Variants in CSMD1 observed in about 807,000 individuals in gnomAD.
CSMD1 encodes CUB and Sushi multiple domains 1, also known as CUB and sushi domain-containing protein 1.
In CSMD1, 213 loss-of-function variants were observed where a neutral mutation model predicts 417.5. That is an observed-to-expected ratio of 0.51 (90% CI 0.46 to 0.57). The LOEUF (loss-of-function observed/expected upper bound fraction) is 0.57. Among genes scored for constraint, CSMD1 ranks in the 20% least tolerant of loss-of-function variants. The pLI is 0.00. For missense variants in CSMD1, 6,923 were observed against 4,529.7 expected (o/e 1.53, Z -15.17); for synonymous variants, 2,862 against 1,736.8 (o/e 1.65, Z -16.11).
At chr8:4,659,847 G>A (rs1468159662) in intron 1 of CSMD1, among the ~76,000 whole-genome samples, 1 of 151,704 alleles carries the variant, frequency 6.6e-6, no homozygotes, top group Admixed American at 6.6e-5. Context: ...ATATTAACAT[G>A]CTAAACAATA....
intron 5 of CSMD1, among the ~76,000 whole-genome samples, chr8:3,914,383 G>C (rs2554684): frequency 1.3e-5 from 2 of 151,764 alleles, no homozygotes; most frequent in Admixed American, 6.5e-5. Flanking sequence ...AAAAACATAC[G>C]GGTACAGATA....
intron 5 of CSMD1, among the ~76,000 whole-genome samples, chr8:3,862,941 A>T (rs1228105130): frequency 6.6e-6 from 1 of 152,262 alleles, no homozygotes; most frequent in East Asian, 1.9e-4. Context: ...TTTAAACAGC[A>T]GAAATTTATA....
chr8:4,707,050 G>C (rs909959437), intron 1 of CSMD1, among the ~76,000 whole-genome samples: 1 of 152,196 alleles, frequency 6.6e-6, no homozygotes, highest in Non-Finnish European at 1.5e-5. Flanking sequence ...AGGACTTAAG[G>C]TGATCAGATC....
At chr8:3,712,517 C>T (rs1801585507) in intron 6 of CSMD1, among the ~76,000 whole-genome samples, 1 of 152,148 alleles carries the variant, frequency 6.6e-6, no homozygotes. Context: ...CTGCAATAGC[C>T]TCTTCTTTCT....
In CSMD1 at chr8:4,787,486, G is replaced by C. The variant is rs1585097625; in HGVS notation, c.86-149928C>G. 10 of 882,544 alleles carry C rather than the reference G, an allele frequency of 1.1e-5. No homozygotes were observed. In the East Asian group the frequency reaches 2.0e-4, roughly 18 times the overall value. The allele number at this position is 882,544 out of a possible 1,614,324, so 54.7% of individuals were successfully genotyped here. On this transcript the variant is annotated intron_variant, in intron 1 of 69. Coordinates refer to ENST00000635120, the MANE Select transcript of CSMD1 (RefSeq NM_033225.6). ...TGGAAGGAAAAGCTGCAATCTCAAA[G>C]AAAATCACCAGTTGTATTTTTCAGT...
chr8:4,285,174 TTA>T (rs919237300), intron 3 of CSMD1, among the ~76,000 whole-genome samples: 1 of 152,208 alleles, frequency 6.6e-6, no homozygotes, highest in Admixed American at 6.5e-5. Context: ...TCCATGAATT[TTA>T]TGTTTTTGTA....
chr8:3,600,842 G>T (rs9694325), intron 8 of CSMD1, among the ~76,000 whole-genome samples: 17,756 of 152,032 alleles, frequency 0.12, 1,699 homozygotes, highest in East Asian at 0.26. Context: ...TGCATGTTTT[G>T]CAATATTGCA....
intron 6 of CSMD1, among the ~76,000 whole-genome samples, chr8:3,721,265 G>A (rs1563309410): frequency 6.6e-6 from 1 of 152,046 alleles, no homozygotes; most frequent in South Asian, 2.1e-4. Flanking sequence ...TTTATAAGCA[G>A]CAATGCCCCT....
At chr8:4,923,613 C>G (rs570980336) in intron 1 of CSMD1, among the ~76,000 whole-genome samples, 1 of 152,150 alleles carries the variant, frequency 6.6e-6, no homozygotes, top group South Asian at 2.1e-4. Flanking sequence ...TTTAAACATA[C>G]ACACTACACT....
chr8:4,262,662 C>T lies in CSMD1; in HGVS notation c.415+157291G>A, dbSNP rs1037515645. ...TTAGCCTGGGGCTGAAAGAGTAAAA[C>T]GTGCCCAACCAGGACCCTCAGCCTC... On this transcript the variant is annotated intron_variant, in intron 3 of 69. Transcript: ENST00000635120. Among the ~76,000 whole-genome samples, 14 of 152,182 alleles carry T rather than the reference C, an allele frequency of 9.2e-5. No individual in the cohort carries two copies. The East Asian group carries it at 2.5e-3, about 27-fold the overall frequency.
intron 3 of CSMD1, among the ~76,000 whole-genome samples, chr8:4,249,583 C>G (rs146232184): frequency 6.6e-6 from 1 of 152,166 alleles, no homozygotes; most frequent in Non-Finnish European, 1.5e-5. Flanking sequence ...TAGCTTGAAG[C>G]TGTGTATTGA....
intron 1 of CSMD1, among the ~76,000 whole-genome samples, chr8:4,896,594 C>G (rs971312131): frequency 1.3e-5 from 2 of 152,076 alleles, no homozygotes; most frequent in Admixed American, 1.3e-4. Context: ...TAACCATGTT[C>G]ATAAATTATC....
intron 3 of CSMD1, among the ~76,000 whole-genome samples, chr8:4,180,797 G>C (rs1312229226): frequency 6.6e-6 from 1 of 151,830 alleles, no homozygotes; most frequent in Admixed American, 6.6e-5. Flanking sequence ...GTATGTCTTT[G>C]GTACAAGAGT....
intron 12 of CSMD1, among the ~76,000 whole-genome samples, chr8:3,433,105 A>T (rs886633635): frequency 6.6e-6 from 1 of 152,246 alleles, no homozygotes; most frequent in African/African-American, 2.4e-5. Flanking sequence ...TACGTTTTAT[A>T]CAGAGATTGG....
At chr8:3,816,452 C>T (rs111673277) in intron 5 of CSMD1, among the ~76,000 whole-genome samples, 10 of 152,056 alleles carry the variant, frequency 6.6e-5, no homozygotes, top group Non-Finnish European at 8.8e-5. Flanking sequence ...TGTTCTATTC[C>T]GTTAGTAGCT....
intron 5 of CSMD1, among the ~76,000 whole-genome samples, chr8:3,987,829 G>A (rs1181756662): frequency 6.6e-6 from 1 of 152,202 alleles, no homozygotes; most frequent in South Asian, 2.1e-4. Flanking sequence ...AGTTCCAGAT[G>A]TTAATTGACA....
intron 5 of CSMD1, among the ~76,000 whole-genome samples, chr8:3,993,403 T>G (rs1814911407): frequency 6.6e-6 from 1 of 152,168 alleles, no homozygotes; most frequent in African/African-American, 2.4e-5. Flanking sequence ...ATCAATTAAG[T>G]GACAAGTTGG....
chr8:4,156,672 G>C (rs564775122), intron 3 of CSMD1, among the ~76,000 whole-genome samples: 2 of 152,090 alleles, frequency 1.3e-5, no homozygotes, highest in Non-Finnish European at 2.9e-5. Flanking sequence ...TGTGATTTAA[G>C]ATAATTTTCT....
At chr8:4,119,680 G>C (rs942188111) in intron 3 of CSMD1, among the ~76,000 whole-genome samples, 6 of 152,306 alleles carry the variant, frequency 3.9e-5, no homozygotes, top group South Asian at 2.1e-4. Flanking sequence ...GCCAGGAAGA[G>C]AGTCCTCCCA....
Sources: gnomAD v4.1 joint callset for allele counts (sites outside exome capture counted in the v4.1 genomes callset) on GRCh38, gnomAD v4.1.1 for gene constraint, MANE v1.5 for transcripts, NCBI Gene and HGNC (gene_info 2026-07-23, HGNC 2026-07-21) for gene names.